Variants in LIMS1 observed in about 807,000 individuals in gnomAD.
LIMS1 encodes the protein LIM and senescent cell antigen-like-containing domain protein 1.
Under a neutral mutation model 44.1 loss-of-function variants are expected in LIMS1, and 18 were observed. The observed-to-expected ratio is 0.41, with a 90% confidence interval of 0.28 to 0.61. The LOEUF (loss-of-function observed/expected upper bound fraction) is 0.61. Among genes scored for constraint, LIMS1 ranks in the 20% least tolerant of loss-of-function variants. The pLI is 0.32. For synonymous variants in LIMS1, 93 were observed against 149.1 expected (o/e 0.62, Z 2.74); for missense variants, 201 against 422.0 (o/e 0.48, Z 4.59).
intron 1 of LIMS1, among the ~76,000 whole-genome samples, chr2:108,553,854 CTG>C (rs1449083450): frequency 6.6e-6 from 1 of 152,162 alleles, no homozygotes; most frequent in Admixed American, 6.5e-5. Context: ...ACAGAGTTCT[CTG>C]GTGTATGGGG....
intron 1 of LIMS1, among the ~76,000 whole-genome samples, chr2:108,572,863 C>T (rs1174562557): frequency 2.0e-5 from 3 of 152,152 alleles, no homozygotes; most frequent in Non-Finnish European, 4.4e-5. Context: ...TGCCTCCCCA[C>T]CCTTCTGTCA....
intron 1 of LIMS1, among the ~76,000 whole-genome samples, chr2:108,633,312 A>G (rs758585430): frequency 6.6e-6 from 1 of 152,236 alleles, no homozygotes; most frequent in Non-Finnish European, 1.5e-5. Context: ...AGGTTAGAAT[A>G]TTGCCATCCA....
chr2:108,656,521 A>C (rs1478168585), intron 1 of LIMS1, among the ~76,000 whole-genome samples: 1 of 152,008 alleles, frequency 6.6e-6, no homozygotes, highest in African/African-American at 2.4e-5. Flanking sequence ...TCAACATTTA[A>C]AAAAAAAAAC....
intron 1 of LIMS1, among the ~76,000 whole-genome samples, chr2:108,646,842 A>G (rs1690098534): frequency 6.6e-6 from 1 of 152,076 alleles, no homozygotes; most frequent in Non-Finnish European, 1.5e-5. Context: ...AATAGCTGGG[A>G]CTATGAGTAG....
At chr2:108,608,988 T>G (rs1370318378) in intron 1 of LIMS1, among the ~76,000 whole-genome samples, 3 of 152,294 alleles carry the variant, frequency 2.0e-5, no homozygotes, top group Non-Finnish European at 4.4e-5. Flanking sequence ...TAACTTGCAG[T>G]TGGACGGAGG....
At chr2:108,619,615 C>T (rs914066641) in intron 1 of LIMS1, among the ~76,000 whole-genome samples, 48 of 151,868 alleles carry the variant, frequency 3.2e-4, no homozygotes, top group African/African-American at 1.1e-3. Flanking sequence ...ACCCGGGAGG[C>T]GGAGGTTACA....
intron 1 of LIMS1, among the ~76,000 whole-genome samples, chr2:108,651,169 C>T (rs536634168): frequency 6.6e-6 from 1 of 152,238 alleles, no homozygotes; most frequent in South Asian, 2.1e-4. Context: ...GAGCCTCCTG[C>T]TTGTCTTTAA....
intron 9 of LIMS1, among the ~76,000 whole-genome samples, chr2:108,682,613 C>T (rs1422734105): frequency 6.6e-6 from 1 of 152,162 alleles, no homozygotes; most frequent in Non-Finnish European, 1.5e-5. Context: ...ATAGCTTTTG[C>T]TCTAAGATGA....
At chr2:108,565,544 T>C (rs1208517178) in intron 1 of LIMS1, among the ~76,000 whole-genome samples, 1 of 152,228 alleles carries the variant, frequency 6.6e-6, no homozygotes, top group African/African-American at 2.4e-5. Flanking sequence ...AATCATGACC[T>C]TTTAAACCAT....
chr2:108,615,796 C>A (rs1182288802), intron 1 of LIMS1, among the ~76,000 whole-genome samples: 1 of 152,178 alleles, frequency 6.6e-6, no homozygotes, highest in Non-Finnish European at 1.5e-5. Flanking sequence ...TGTTAGCCTG[C>A]AGAGAAGACC....
intron 1 of LIMS1, chr2:108,607,224 G>C: frequency 6.4e-7 from 1 of 1,551,128 alleles, no homozygotes; most frequent in Non-Finnish European, 8.7e-7. Context: ...GCCAGCTGAT[G>C]AGGGACACAT....
intron 1 of LIMS1, chr2:108,657,860 G>C (rs372309886): frequency 7.9e-4 from 121 of 152,274 alleles, no homozygotes; most frequent in African/African-American, 2.3e-3. Context: ...CTACAAAACA[G>C]GATGACTGTT....
chr2:108,546,695 A>C (rs1171500848), intron 1 of LIMS1, among the ~76,000 whole-genome samples: 4 of 149,786 alleles, frequency 2.7e-5, no homozygotes, highest in Admixed American at 1.3e-4. Context: ...TTTTTTTTTA[A>C]AGACAATGGT....
At chr2:108,560,553 C>G (rs941045182) in intron 1 of LIMS1, among the ~76,000 whole-genome samples, 1 of 152,032 alleles carries the variant, frequency 6.6e-6, no homozygotes, top group African/African-American at 2.4e-5. Context: ...TTCACCTCCT[C>G]TGGGAGGTCC....
chr2:108,625,463 T>C (rs1236793445), intron 1 of LIMS1, among the ~76,000 whole-genome samples: 1 of 152,160 alleles, frequency 6.6e-6, no homozygotes, highest in Non-Finnish European at 1.5e-5. Flanking sequence ...GAGCTTTCCC[T>C]TTTCCCTGTT....
intron 1 of LIMS1, among the ~76,000 whole-genome samples, chr2:108,594,587 A>C (rs769280218): frequency 6.6e-6 from 1 of 152,188 alleles, no homozygotes; most frequent in Non-Finnish European, 1.5e-5. Flanking sequence ...GGCTTATTAT[A>C]CTATCTAGAA....
At chr2:108,621,460 A>G (rs1480114520) in intron 1 of LIMS1, 1 of 1,549,654 alleles carries the variant, frequency 6.5e-7, no homozygotes, top group African/African-American at 1.4e-5. Flanking sequence ...GGAAGAGCTA[A>G]GGTGAGTGCA....
chr2:108,578,353 C>G lies in LIMS1; in HGVS notation c.32+43759C>G, dbSNP rs1287030975. Among the ~76,000 whole-genome samples, 4 of 152,094 alleles carry G rather than the reference C, an allele frequency of 2.6e-5. No individual in the cohort carries two copies. The East Asian group carries it at 7.7e-4, about 29-fold the overall frequency. Reference sequence around the variant, plus strand: ...AAGATGTGTTTCATATATTTTTAATCTCTACATCCTTTCATATTTTGTTAT... The same window carrying G: ...AAGATGTGTTTCATATATTTTTAATGTCTACATCCTTTCATATTTTGTTAT... On this transcript the variant is annotated intron_variant, in intron 1 of 9. Coordinates refer to ENST00000544547, the Ensembl canonical transcript of LIMS1.
At chr2:108,603,811 T>C (rs886631969) in intron 1 of LIMS1, among the ~76,000 whole-genome samples, 1 of 152,194 alleles carries the variant, frequency 6.6e-6, no homozygotes, top group South Asian at 2.1e-4. Context: ...TTTATCAATT[T>C]TGTTTAACTT....
Sources: gnomAD v4.1 joint callset for allele counts (sites outside exome capture counted in the v4.1 genomes callset) on GRCh38, gnomAD v4.1.1 for gene constraint, MANE v1.5 for transcripts, NCBI Gene and HGNC (gene_info 2026-07-23, HGNC 2026-07-21) for gene names.